The following KIF4A variants were observed in gnomAD, a reference collection of about 807,000 sequenced individuals.
KIF4A encodes the protein chromosome-associated kinesin KIF4A.
In KIF4A, 7 loss-of-function variants were observed where a neutral mutation model predicts 105.9. The observed-to-expected ratio is 0.07, with a 90% CI of 0.04 to 0.12. The LOEUF (loss-of-function observed/expected upper bound fraction) is 0.12. KIF4A is among the 10% of genes least tolerant of loss of function. The pLI, the probability that KIF4A is intolerant of heterozygous loss-of-function variation, is 1.00. For synonymous variants in KIF4A, 281 were observed against 331.3 expected (o/e 0.85, Z 1.65); for missense variants, 558 against 929.2 (o/e 0.60, Z 5.19).
chrX:70,306,590 G>A lies in KIF4A; in HGVS notation c.778+4192G>A, dbSNP rs191036117. ...CTCACTCTGTTGCCCAGGCTGGAGT[G>A]CAGTGGTGTGATCTCGGCTCACTGC... On this transcript the variant is annotated intron_variant, in intron 7 of 30. Coordinates refer to ENST00000374403, the MANE Select transcript of KIF4A (RefSeq NM_012310.5). Among the ~76,000 whole-genome samples the A allele has an allele frequency of 3.5e-4, 39 of 110,365 alleles. 1 individual carries two copies. The highest frequency in any genetic ancestry group is 3.4e-3 in the Admixed American group (35 of 10,372).
intron 15 of KIF4A, among the ~76,000 whole-genome samples, chrX:70,359,098 T>C (rs2086063396): frequency 8.9e-6 from 1 of 112,252 alleles, no homozygotes; most frequent in South Asian, 3.7e-4. Flanking sequence ...CTTTTTCCAC[T>C]CTGGATGTCA....
chrX:70,416,416 G>C (rs779254829), intron 28 of KIF4A, among the ~76,000 whole-genome samples: 5 of 95,897 alleles, frequency 5.2e-5, no homozygotes, highest in Non-Finnish European at 1.0e-4. Flanking sequence ...GCAGTGGCGC[G>C]ATCTCAGCTC....
chrX:70,344,024 A>C, intron 13 of KIF4A, 42 bp downstream of exon 13: 1 of 976,681 alleles, frequency 1.0e-6, no homozygotes. Flanking sequence ...TATCACTTTC[A>C]TTTGTTTCTC....
intron 13 of KIF4A, among the ~76,000 whole-genome samples, chrX:70,349,858 C>T (rs1402250382): frequency 1.3e-5 from 1 of 76,338 alleles, no homozygotes; most frequent in South Asian, 7.6e-4. Flanking sequence ...GGGTGGCAGC[C>T]GGGCAGAGGC....
chrX:70,303,338 A>G (rs939818503), intron 7 of KIF4A, among the ~76,000 whole-genome samples: 8 of 112,103 alleles, frequency 7.1e-5, no homozygotes, highest in South Asian at 7.4e-4. Context: ...AAATTACTCT[A>G]TGTTCCCTTA....
intron 13 of KIF4A, among the ~76,000 whole-genome samples, chrX:70,346,568 A>G (rs908883161): frequency 4.5e-5 from 5 of 111,725 alleles, no homozygotes; most frequent in Non-Finnish European, 9.4e-5. Context: ...CTGTAGAGGG[A>G]GTTGCTAGTG....
At chrX:70,417,838 A>T in intron 28 of KIF4A, 50 bp from the exon 29 acceptor site, 1 of 995,486 alleles carries the variant, frequency 1.0e-6, no homozygotes, top group Non-Finnish European at 1.4e-6. Flanking sequence ...ATTTTAAACT[A>T]GTCTTCTAAC....
chrX:70,353,875 A>G (rs2086041158), intron 15 of KIF4A, 68 bp downstream of exon 15: 2 of 878,235 alleles, frequency 2.3e-6, no homozygotes, highest in African/African-American at 2.0e-5. Context: ...GAAGAAAACA[A>G]CAAGCATATA....
Position 70,420,373 on chromosome X carries a change from T to C in KIF4A, c.*108T>C, listed in dbSNP as rs1344372225. On this transcript the variant is annotated 3_prime_UTR_variant, in exon 31 of 31. Transcript: ENST00000374403. Reference sequence around the variant, plus strand: ...CTCTGGATTTCAGGTTTCTTGCTGTTGAAAAAAGGAACAAAGCGTTACTGA... The same window carrying C: ...CTCTGGATTTCAGGTTTCTTGCTGTCGAAAAAAGGAACAAAGCGTTACTGA... 16 of 1,022,521 alleles carry C rather than the reference T, an allele frequency of 1.6e-5. No individual in the cohort carries two copies. The highest frequency in any genetic ancestry group is 1.7e-5 in the Non-Finnish European group (13 of 773,846). 84.3% of individuals were successfully genotyped at this position (1,022,521 alleles called of 1,213,427 possible).
At chrX:70,317,194 G>A (rs1479857412) in intron 7 of KIF4A, among the ~76,000 whole-genome samples, 1 of 111,370 alleles carries the variant, frequency 9.0e-6, no homozygotes, top group Non-Finnish European at 1.9e-5. Flanking sequence ...GTATTTTGGT[G>A]AATATACGTA....
At chrX:70,307,899 A>G (rs1445596133) in intron 7 of KIF4A, among the ~76,000 whole-genome samples, 1 of 111,784 alleles carries the variant, frequency 8.9e-6, no homozygotes, top group Non-Finnish European at 1.9e-5. Flanking sequence ...GACTGGTCTC[A>G]GTTACTTAAA....
At chrX:70,418,050 C>T (rs1376094525) in intron 29 of KIF4A, 46 bp downstream of exon 29, 1 of 1,042,107 alleles carries the variant, frequency 9.6e-7, no homozygotes, top group Non-Finnish European at 1.3e-6. Context: ...AGACCTTCCT[C>T]TAGTTTCCAC....
intron 4 of KIF4A, among the ~76,000 whole-genome samples, chrX:70,298,456 C>T (rs187128743): frequency 1.8e-5 from 2 of 109,928 alleles, no homozygotes; most frequent in Non-Finnish European, 3.8e-5. Context: ...TGGTGACAGA[C>T]CCCTGGGCTC....
intron 15 of KIF4A, among the ~76,000 whole-genome samples, chrX:70,366,229 T>C (rs749730067): frequency 9.9e-5 from 11 of 111,111 alleles, no homozygotes; most frequent in African/African-American, 3.6e-4. Context: ...TTTTGAAGGG[T>C]TTTTTGTGTC....
chrX:70,397,682 CAG>C (rs2086265454), intron 22 of KIF4A, among the ~76,000 whole-genome samples: 1 of 112,132 alleles, frequency 8.9e-6, no homozygotes, highest in African/African-American at 3.2e-5. Context: ...AGAACCTTGA[CAG>C]AGATTTTATC....
At chrX:70,327,928 G>T (rs1157622916) in intron 7 of KIF4A, among the ~76,000 whole-genome samples, 1 of 111,671 alleles carries the variant, frequency 9.0e-6, no homozygotes, top group East Asian at 2.8e-4. Flanking sequence ...CAACCATAGG[G>T]TTCAGAGTAA....
intron 22 of KIF4A, 111 bp from the exon 23 acceptor site, chrX:70,402,455 T>C: frequency 2.2e-6 from 2 of 910,860 alleles, no homozygotes; most frequent in African/African-American, 3.9e-5. Context: ...TTAAATGATA[T>C]TTAACTGATA....
chrX:70,405,926 C>T (rs778876469), intron 26 of KIF4A, 21 bp downstream of exon 26: 2 of 1,155,583 alleles, frequency 1.7e-6, no homozygotes, highest in Admixed American at 2.2e-5. Flanking sequence ...TTCCCACCCA[C>T]TTGATAAGCC....
chrX:70,389,740 A>G (rs1326727352), intron 20 of KIF4A, among the ~76,000 whole-genome samples: 1 of 112,543 alleles, frequency 8.9e-6, no homozygotes, highest in African/African-American at 3.2e-5. Context: ...ATTGATCTAT[A>G]TGTCTATTTT....
Sources: allele counts gnomAD v4.1 joint callset (sites outside exome capture counted in the v4.1 genomes callset), GRCh38; gene constraint gnomAD v4.1.1; transcripts MANE v1.5; gene names NCBI Gene and HGNC (gene_info 2026-07-23, HGNC 2026-07-21).